The following NEK6 variants were observed in gnomAD, a reference collection of about 807,000 sequenced individuals.
The protein encoded by NEK6 is NIMA related kinase 6.
A neutral mutation model predicts 43.5 loss-of-function variants in NEK6; 27 were observed. The ratio of observed to expected loss-of-function variants is 0.62; its 90% CI spans 0.46 to 0.86. The LOEUF (loss-of-function observed/expected upper bound fraction) is 0.86. Ranked by LOEUF, NEK6 falls within the 40% of genes least tolerant of loss-of-function variation. NEK6 has a pLI of 0.00. For synonymous variants in NEK6, 167 were observed against 164.1 expected, an observed-to-expected ratio of 1.02 and a Z score of -0.14; for missense variants, 318 against 414.4, an observed-to-expected ratio of 0.77 and a Z score of 2.02.
chr9:124,332,370 G>T (rs1443941123), intron 7 of NEK6, among the ~76,000 whole-genome samples: 2 of 152,224 alleles, frequency 1.3e-5, no homozygotes, highest in East Asian at 3.9e-4. Context: ...GTCAGGGGGG[G>T]ACCCTCTGTT....
chr9:124,301,877 CCCT>C (rs1832996281), intron 1 of NEK6, 56 bp from the exon 2 acceptor site: 4 of 1,374,768 alleles, frequency 2.9e-6, no homozygotes, highest in South Asian at 2.5e-5. Flanking sequence ...GAGCGAAAGT[CCCT>C]CCTCCTTCTG....
intron 8 of NEK6, among the ~76,000 whole-genome samples, chr9:124,344,701 T>G (rs1540950): frequency 0.99 from 150,169 of 152,354 alleles, 74,048 homozygotes; most frequent in East Asian, 1. Context: ...TCAGCTGCAA[T>G]TACGGAGCTA....
rs61223297 is a variant in NEK6 at position 124,326,202 on chromosome 9, T to TCCCCCCCCCCCCCCCCCCC, written c.406-117_406-116insCCCCCCCCCCCCCCCCCCC. The TCCCCCCCCCCCCCCCCCCC allele has an allele frequency of 9.7e-4, 121 of 125,214 alleles. 25 individuals are homozygous for TCCCCCCCCCCCCCCCCCCC. Among genetic ancestry groups the TCCCCCCCCCCCCCCCCCCC allele is most frequent in the South Asian group, 1.6e-3 (24 of 15,400 alleles). The allele number at this position is 125,214 out of a possible 1,614,324, so 7.8% of individuals were successfully genotyped here. On this transcript the variant is annotated intron_variant, in intron 5 of 9. Coordinates refer to ENST00000320246, the MANE Select transcript of NEK6 (RefSeq NM_014397.6). This position sits in a 1 kb window ranked among gnomAD's most constrained non-coding sequence, Gnocchi z 4.5. ...GCTTATTGTTTGCTCAGTGGCTCAA[T>TCCCCCCCCCCCCCCCCCCC]CCCCCCCCCCCGCCCCTGCCAGGCA...
intron 1 of NEK6, among the ~76,000 whole-genome samples, chr9:124,270,069 G>C (rs189723023): frequency 1.4e-5 from 2 of 147,348 alleles, no homozygotes; most frequent in Admixed American, 1.4e-4. Context: ...TTCCTTCCAC[G>C]CCCCCCCCCC....
chr9:124,275,658 C>T lies in NEK6; in HGVS notation c.-30+17573C>T, dbSNP rs1322318473. The stretch of plus-strand genomic sequence containing the variant: ...AACATGGCCCCCCACCCTGTGAGGC[C>T]CACTAATGGCCAGTCCCCTGCCCCA... On this transcript the variant is annotated intron_variant, in intron 1 of 9. Transcript: ENST00000320246. This position sits in a 1 kb window ranked among gnomAD's most constrained non-coding sequence, Gnocchi z 4.4. Among the ~76,000 whole-genome samples, 1 of 152,250 alleles carries T rather than the reference C, an allele frequency of 6.6e-6. No individual in the cohort carries two copies. Among genetic ancestry groups the T allele is most frequent in the Non-Finnish European group, 1.5e-5 (1 of 68,034 alleles).
chr9:124,263,796 T>G (rs1831124831), intron 1 of NEK6, among the ~76,000 whole-genome samples: 2 of 152,174 alleles, frequency 1.3e-5, no homozygotes, highest in Non-Finnish European at 2.9e-5. Flanking sequence ...AGAGGCAGGA[T>G]TTAAGCACCA....
intron 1 of NEK6, among the ~76,000 whole-genome samples, chr9:124,277,382 G>A (rs4836970): frequency 0.39 from 60,039 of 152,122 alleles, 12,440 homozygotes; most frequent in East Asian, 0.64. Flanking sequence ...GGAGGCGGAG[G>A]TTGCAGTGAG....
At chr9:124,270,418 G>C (rs144370272) in intron 1 of NEK6, among the ~76,000 whole-genome samples, 16 of 152,154 alleles carry the variant, frequency 1.1e-4, no homozygotes, top group Non-Finnish European at 2.1e-4. Flanking sequence ...CCCAGAGTGG[G>C]AGGGGAAGGG....
chr9:124,349,435 T>C (rs1830131465), intron 9 of NEK6, among the ~76,000 whole-genome samples: 2 of 152,114 alleles, frequency 1.3e-5, no homozygotes, highest in African/African-American at 4.8e-5. Context: ...AAATGAACAT[T>C]GAAGCCCCTG....
Position 124,268,296 on chromosome 9 carries a change from T to A in NEK6, c.-30+10211T>A, listed in dbSNP as rs554282860. On this transcript the variant is annotated intron_variant, in intron 1 of 9. Transcript: ENST00000320246. ...TTATTAGCTAATTAAGTGGTTTATC[T>A]GGTCACACATTTACTCCTTCAATTG... 2.6e-5 allele frequency among the ~76,000 whole-genome samples: 4 copies of A among 152,232 alleles called. No individual in the cohort carries two copies. In the South Asian group the frequency reaches 8.3e-4, roughly 31 times the overall value.
chr9:124,290,986 T>G (rs938713093), intron 1 of NEK6, among the ~76,000 whole-genome samples: 1 of 152,204 alleles, frequency 6.6e-6, no homozygotes, highest in African/African-American at 2.4e-5. Context: ...CGAACACTCC[T>G]CATCCTCTGA....
At chr9:124,310,311 T>C (rs1185223358) in intron 2 of NEK6, among the ~76,000 whole-genome samples, 3 of 152,266 alleles carry the variant, frequency 2.0e-5, no homozygotes, top group East Asian at 1.9e-4. Context: ...GAGCCCAGCA[T>C]GCAGTAGACA....
At chr9:124,327,257 C>A in intron 6 of NEK6, 81 bp from the exon 7 acceptor site, 2 of 1,161,100 alleles carry the variant, frequency 1.7e-6, no homozygotes, top group South Asian at 1.3e-5. Flanking sequence ...TAGGCCTCAC[C>A]TTCCTCCCCC....
At chr9:124,292,694 A>G (rs1486621803) in intron 1 of NEK6, among the ~76,000 whole-genome samples, 1 of 149,630 alleles carries the variant, frequency 6.7e-6, no homozygotes, top group Admixed American at 6.7e-5. Flanking sequence ...TCCCCCTGGC[A>G]TGAGTTGGTC....
intron 4 of NEK6, among the ~76,000 whole-genome samples, chr9:124,316,501 G>T (rs1399620349): frequency 1.3e-5 from 2 of 152,184 alleles, no homozygotes; most frequent in African/African-American, 4.8e-5. Context: ...CACCACCACA[G>T]CCAGACAAAG....
At chr9:124,335,650 G>GGACGCCCA (rs1295452976) in intron 7 of NEK6, among the ~76,000 whole-genome samples, 1 of 152,206 alleles carries the variant, frequency 6.6e-6, no homozygotes, top group Non-Finnish European at 1.5e-5. Flanking sequence ...TCCAGTGAGC[G>GGACGCCCA]GACGCCCACA....
chr9:124,300,667 C>G (rs748050713), intron 1 of NEK6, among the ~76,000 whole-genome samples: 2 of 152,112 alleles, frequency 1.3e-5, no homozygotes, highest in South Asian at 4.1e-4. Flanking sequence ...ACCAGAGGTT[C>G]CTTCTCAGAC....
rs1423905702 is a variant in NEK6, at chr9:124,312,654, G to A, written c.231+5G>A. The stretch of plus-strand genomic sequence containing the variant: ...GTGGCTCTGAAGAAGGTGCAGGTGA[G>A]CTGACAACCCGTGGGGTCAAACCTG... On this transcript the variant is annotated splice_donor_5th_base_variant and intron_variant, in intron 3 of 9. Coordinates refer to ENST00000320246, the MANE Select transcript of NEK6 (RefSeq NM_014397.6). 2 of 1,610,920 alleles carry A rather than the reference G, an allele frequency of 1.2e-6. No homozygotes were observed. The highest frequency in any genetic ancestry group is 8.5e-7 in the Non-Finnish European group (1 of 1,177,686).
chr9:124,339,461 G>C (rs574682665), intron 7 of NEK6, 110 bp from the exon 8 acceptor site: 3 of 764,840 alleles, frequency 3.9e-6, no homozygotes, highest in Non-Finnish European at 4.7e-6. Context: ...CTCAGAGACC[G>C]AGGCACAATC....
Sources: allele counts gnomAD v4.1 joint callset (sites outside exome capture counted in the v4.1 genomes callset), GRCh38; gene constraint gnomAD v4.1.1; non-coding constraint Gnocchi (gnomAD v3.1); transcripts MANE v1.5; gene names NCBI Gene and HGNC (gene_info 2026-07-23, HGNC 2026-07-21).